The following ADH6 variants were observed in gnomAD, a reference collection of about 807,000 sequenced individuals.
ADH6 encodes alcohol dehydrogenase 6 (class V), also known as alcohol dehydrogenase 6.
Under a neutral mutation model 36.5 loss-of-function variants are expected in ADH6, and 34 were observed. That is an observed-to-expected ratio of 0.93 (90% CI 0.71 to 1.24). The LOEUF (loss-of-function observed/expected upper bound fraction) is 1.24. ADH6 is among the 50% of genes most tolerant of loss of function. ADH6 has a pLI of 0.00. For synonymous variants in ADH6, 161 were observed against 155.5 expected (o/e 1.04, Z -0.26); for missense variants, 440 against 447.0 (o/e 0.98, Z 0.14).
chr4:99,216,799 C>A (rs1180890804), intron 1 of ADH6, among the ~76,000 whole-genome samples: 2 of 150,652 alleles, frequency 1.3e-5, no homozygotes, highest in East Asian at 4.0e-4. Flanking sequence ...GAGCTGAGAT[C>A]ATGCCACTGT....
In ADH6 at chr4:99,210,089, G is replaced by A. The variant is rs1280267842; in HGVS notation, c.560C>T (p.Thr187Ile). 6.2e-7 allele frequency: 1 copy of A among 1,613,448 alleles called. No individual in the cohort carries two copies. Among genetic ancestry groups the A allele is most frequent in the Non-Finnish European group, 8.5e-7 (1 of 1,179,630 alleles). Residue 187 changes from threonine to isoleucine, a missense_variant, in exon 5 of 9, where the codon ACT becomes ATT. Coordinates refer to ENST00000394899, the MANE Select transcript of ADH6 (RefSeq NM_001102470.2). ...FSTGFGAAIN[T>I]AKVTPGSTCA... ...GGTATAAATGCCCCTCACCTTGGCAGTATTGATTGCAGCACCAAACCCAGT... is the reference window on the plus strand; with the variant it reads ...GGTATAAATGCCCCTCACCTTGGCAATATTGATTGCAGCACCAAACCCAGT...
chr4:99,212,107 A>G (rs891981026), intron 3 of ADH6, among the ~76,000 whole-genome samples: 3 of 152,190 alleles, frequency 2.0e-5, no homozygotes, highest in African/African-American at 7.2e-5. Context: ...TCCAGCAGCA[A>G]TAGAAAATGA....
rs1326859386 is a variant in ADH6 at position 99,210,149 on chromosome 4, A to G, written c.500T>C (p.Leu167Pro). The G allele has an allele frequency of 6.2e-7, 1 of 1,613,842 alleles. No homozygotes were observed. The highest frequency in any genetic ancestry group is 8.5e-7 in the Non-Finnish European group (1 of 1,179,802). The change falls in exon 5 of 9, where the codon CTA becomes CCA. Residue 167 changes from leucine (L) to proline (P), a missense_variant. By Grantham distance (98) the Leu-to-Pro change is moderately conservative. Transcript: ENST00000394899. ...SVAKIDAVAPLEKVCLISCGF... is the reference protein window; with the variant it reads ...SVAKIDAVAPPEKVCLISCGF... ...ACAGCTAATTAGGCATACTTTCTCT[A>G]GAGGAGCGACTGCATCAATCTTGGC...
In ADH6 at chr4:99,213,662, T is replaced by G; in HGVS notation, c.206A>C (p.His69Pro). ...LDLLYPTILGHEGAGIVESIG... is the reference protein window; with the variant it reads ...LDLLYPTILGPEGAGIVESIG... ...ACTCTCAACGATTCCAGCCCCTTCA[T>G]GGCCCAAGATGGTGGGATACAAGAG... The change falls in exon 3 of 9, where the codon CAT (histidine) becomes CCT (proline). Residue 69 changes from histidine to proline, a missense_variant. By Grantham distance (77) the His-to-Pro change is moderately conservative (BLOSUM62 -2). Coordinates refer to ENST00000394899, the MANE Select transcript of ADH6 (RefSeq NM_001102470.2). 1 of 1,614,028 alleles carries G rather than the reference T, an allele frequency of 6.2e-7. No homozygotes were observed. The highest frequency in any genetic ancestry group is 8.5e-7 in the Non-Finnish European group (1 of 1,179,962).
At chr4:99,209,826 AT>A (rs1170085202) in intron 5 of ADH6, among the ~76,000 whole-genome samples, 1 of 152,120 alleles carries the variant, frequency 6.6e-6, no homozygotes, top group East Asian at 1.9e-4. Flanking sequence ...GTTAGATTTA[AT>A]TTCCAGTAAT....
intron 3 of ADH6, among the ~76,000 whole-genome samples, chr4:99,212,362 G>A (rs927630213): frequency 6.6e-5 from 10 of 151,774 alleles, no homozygotes; most frequent in Admixed American, 3.9e-4. Flanking sequence ...AAATTTTATC[G>A]TAAATTGACA....
chr4:99,204,324 T>C (rs1295297839), intron 8 of ADH6, 81 bp from the exon 9 acceptor site: 2 of 1,566,612 alleles, frequency 1.3e-6, no homozygotes, highest in African/African-American at 1.4e-5. Flanking sequence ...TCTCACTTTG[T>C]AGAGCAGTAA....
At position 99,204,087 on chromosome 4, in the gene ADH6, A is replaced by G; in HGVS notation, c.*132T>C. 1.8e-6 allele frequency: 2 copies of G among 1,113,076 alleles called. No homozygotes were observed. The highest frequency in any genetic ancestry group is 2.5e-5 in the Admixed American group (1 of 39,988). 68.9% of individuals were successfully genotyped at this position (1,113,076 alleles called of 1,614,324 possible). On this transcript the variant is annotated 3_prime_UTR_variant, in exon 9 of 9. Coordinates refer to ENST00000394899, the MANE Select transcript of ADH6 (RefSeq NM_001102470.2). ...TAGGTCAGAAGCCAGATATAGGTCC[A>G]CTGCGGAGTGAATCAGAAGTCAGAA...
At chr4:99,216,300 T>G (rs375353142) in intron 1 of ADH6, 38 bp from the exon 2 acceptor site, 65 of 1,394,138 alleles carry the variant, frequency 4.7e-5, no homozygotes, top group Non-Finnish European at 6.0e-5. Context: ...GAGAAGCTCC[T>G]TAAGCTTGGG....
chr4:99,219,177 A>G lies in ADH6; in HGVS notation c.-25T>C. On this transcript the variant is annotated 5_prime_UTR_variant, in exon 1 of 9. Transcript: ENST00000394899. ...TGCTGATTTTCTCCACCGCAGATGAATTTATTGAGAAAGGGAGATCCTGTA... is the reference window on the plus strand; with the variant it reads ...TGCTGATTTTCTCCACCGCAGATGAGTTTATTGAGAAAGGGAGATCCTGTA... 6.2e-7 allele frequency: 1 copy of G among 1,607,278 alleles called. No individual in the cohort carries two copies. Among genetic ancestry groups the G allele is most frequent in the Non-Finnish European group, 8.5e-7 (1 of 1,174,012 alleles).
At chr4:99,217,252 G>A (rs1459083508) in intron 1 of ADH6, among the ~76,000 whole-genome samples, 1 of 152,114 alleles carries the variant, frequency 6.6e-6, no homozygotes, top group Non-Finnish European at 1.5e-5. Flanking sequence ...TAGCCAGGAT[G>A]TTCTTGATCT....
rs373903781 is a variant in ADH6, at chr4:99,217,253, T to G, written c.19-991A>C. On this transcript the variant is annotated intron_variant, in intron 1 of 8. Transcript: ENST00000394899. ...GGGTTTCACTGTGTTAGCCAGGATG[T>G]TCTTGATCTCCTGACCTCGTGATCC... 1.9e-3 allele frequency among the ~76,000 whole-genome samples: 285 copies of G among 152,054 alleles called. 1 individual carries two copies. Among genetic ancestry groups the G allele is most frequent in the Middle Eastern group, 0.01 (3 of 294 alleles).
At chr4:99,212,642 C>CA (rs1731264240) in intron 3 of ADH6, among the ~76,000 whole-genome samples, 1 of 151,934 alleles carries the variant, frequency 6.6e-6, no homozygotes, top group Non-Finnish European at 1.5e-5. Flanking sequence ...TTCCCACCCC[C>CA]AGCCTTTTAA....
rs1057286038 is a variant in ADH6 at position 99,203,975 on chromosome 4, G to A, written c.*244C>T. The A allele has an allele frequency of 4.4e-5, 21 of 478,168 alleles. No individual in the cohort carries two copies. Among genetic ancestry groups the A allele is most frequent in the African/African-American group, 2.0e-5 (1 of 49,342 alleles). 29.6% of individuals were successfully genotyped at this position (478,168 alleles called of 1,614,324 possible). On this transcript the variant is annotated 3_prime_UTR_variant, in exon 9 of 9. Transcript: ENST00000394899. The stretch of plus-strand genomic sequence containing the variant: ...ATGTCTGAAGGATGTGGAGTTGAGT[G>A]ATTCAAGCCAACCTTAATCTAGCTC...
chr4:99,209,639 T>G (rs1157438862), intron 5 of ADH6, among the ~76,000 whole-genome samples: 1 of 152,150 alleles, frequency 6.6e-6, no homozygotes, highest in African/African-American at 2.4e-5. Flanking sequence ...ACTCTCCTTT[T>G]CTTTTTATTA....
intron 8 of ADH6, chr4:99,204,687 C>A: frequency 8.1e-7 from 1 of 1,233,916 alleles, no homozygotes; most frequent in Non-Finnish European, 1.0e-6. Flanking sequence ...AAATACAATG[C>A]TAATGGCAAA....
rs1236358851 is a variant in ADH6 at position 99,210,477 on chromosome 4, CAGAA to C, written c.284_287del (p.Phe95CysfsTer11). 2 of 1,611,712 alleles carry C rather than the reference CAGAA, an allele frequency of 1.2e-6. No individual in the cohort carries two copies. Among genetic ancestry groups the C allele is most frequent in the South Asian group, 2.2e-5 (2 of 90,906 alleles). ...AAGAGGTACATTCTCCACACTGTGG[CAGAA>C]AGAGTGTGATAACTTTGTCACCTAA... On this transcript the variant is annotated frameshift_variant, in exon 4 of 9. Transcript: ENST00000394899. LOFTEE classifies it high-confidence loss of function.
intron 1 of ADH6, among the ~76,000 whole-genome samples, chr4:99,217,904 A>G (rs897986406): frequency 6.6e-6 from 1 of 152,174 alleles, no homozygotes; most frequent in African/African-American, 2.4e-5. Flanking sequence ...GGAGGCAATC[A>G]TCAAATGGTG....
rs1021228930 is a variant in ADH6, at chr4:99,202,842, T to C, written c.*1377A>G. The C allele has an allele frequency of 2.5e-6, 1 of 397,840 alleles. No homozygotes were observed. The highest frequency in any genetic ancestry group is 4.4e-6 in the Non-Finnish European group (1 of 225,478). The allele number at this position is 397,840 out of a possible 1,614,324, so 24.6% of individuals were successfully genotyped here. A position where few individuals can be genotyped will look rare whatever the true frequency, so the allele number is the denominator to read the frequency against. Reference sequence around the variant, plus strand: ...GCAGAGCAGAGTTGGGCATGGAGGCTCCAGCTCAGACTTGGGAAGATGGAG... The same window carrying C: ...GCAGAGCAGAGTTGGGCATGGAGGCCCCAGCTCAGACTTGGGAAGATGGAG... On this transcript the variant is annotated 3_prime_UTR_variant, in exon 9 of 9. Coordinates refer to ENST00000394899, the MANE Select transcript of ADH6 (RefSeq NM_001102470.2).
Sources: allele counts gnomAD v4.1 joint callset (sites outside exome capture counted in the v4.1 genomes callset), GRCh38; gene constraint gnomAD v4.1.1; transcripts MANE v1.5; gene names NCBI Gene and HGNC (gene_info 2026-07-23, HGNC 2026-07-21).